CCSER1: variants seen among roughly 807,000 people sequenced by gnomAD.
CCSER1 encodes the protein serine-rich coiled-coil domain-containing protein 1.
CCSER1 carries 41 observed loss-of-function variants against 82.0 expected under a neutral mutation model. The observed-to-expected ratio is 0.50, with a 90% CI of 0.39 to 0.65. The LOEUF (loss-of-function observed/expected upper bound fraction) is 0.65, where lower values mean the gene tolerates loss of function less well. CCSER1 is among the 30% of genes least tolerant of loss of function. The pLI, the probability that CCSER1 is intolerant of heterozygous loss-of-function variation, is 0.00. For missense variants in CCSER1, 1,119 were observed against 1,064.2 expected, an observed-to-expected ratio of 1.05 and a Z score of -0.72; for synonymous variants, 414 against 383.9, an observed-to-expected ratio of 1.08 and a Z score of -0.92.
At chr4:90,152,738 T>A (rs565401936) in intron 1 of CCSER1, among the ~76,000 whole-genome samples, 4 of 152,054 alleles carry the variant, frequency 2.6e-5, no homozygotes, top group African/African-American at 4.8e-5. Flanking sequence ...TTGGATCAGA[T>A]GGTAGAATAC....
intron 7 of CCSER1, among the ~76,000 whole-genome samples, chr4:90,748,904 T>C (rs1374235403): frequency 6.6e-6 from 1 of 151,070 alleles, no homozygotes; most frequent in Non-Finnish European, 1.5e-5. Context: ...TTCTTGTAAA[T>C]TTGTTTAAGT....
chr4:90,593,091 G>T (rs189750327), intron 5 of CCSER1, among the ~76,000 whole-genome samples: 1 of 152,126 alleles, frequency 6.6e-6, no homozygotes, highest in Admixed American at 6.6e-5. Flanking sequence ...AATATAGACA[G>T]CTATTATTAA....
rs371179904 is a variant in CCSER1, at chr4:91,044,539, G to A, written c.2173-41411G>A. On this transcript the variant is annotated intron_variant, in intron 9 of 10. Transcript: ENST00000509176. ...TTCCCTTCATCCAGCCTCATTTTGT[G>A]CAGACTGCTCCACTATCCCAATACA... Among the ~76,000 whole-genome samples, 51 of 152,244 alleles carry A rather than the reference G, an allele frequency of 3.3e-4. 2 individuals are homozygous for A. In the South Asian group the frequency reaches 7.9e-3, roughly 24 times the overall value.
chr4:90,580,813 A>G (rs1781344557), intron 5 of CCSER1, among the ~76,000 whole-genome samples: 2 of 152,226 alleles, frequency 1.3e-5, no homozygotes, highest in African/African-American at 2.4e-5. Context: ...AGCCTCTGTC[A>G]GTGAAAGGAG....
At chr4:90,919,194 A>G (rs1242921314) in intron 8 of CCSER1, among the ~76,000 whole-genome samples, 4 of 151,680 alleles carry the variant, frequency 2.6e-5, no homozygotes, top group Admixed American at 2.0e-4. Flanking sequence ...ATTACTAGCT[A>G]TGCAGCAAGT....
chr4:91,202,267 GC>G (rs1350207102), intron 10 of CCSER1, among the ~76,000 whole-genome samples: 3 of 151,886 alleles, frequency 2.0e-5, no homozygotes, highest in Non-Finnish European at 2.9e-5. Flanking sequence ...ACTCTGCTGG[GC>G]TGAGGGATTG....
chr4:91,027,393 A>T (rs1581372136), intron 9 of CCSER1, among the ~76,000 whole-genome samples: 1 of 152,132 alleles, frequency 6.6e-6, no homozygotes, highest in East Asian at 1.9e-4. Flanking sequence ...TCATTAAGAA[A>T]ATTGCAATTA....
intron 8 of CCSER1, among the ~76,000 whole-genome samples, chr4:90,886,239 C>G (rs909269246): frequency 6.6e-6 from 1 of 152,186 alleles, no homozygotes; most frequent in African/African-American, 2.4e-5. Context: ...TGGTACCTCC[C>G]AATTTGCAGA....
intron 1 of CCSER1, among the ~76,000 whole-genome samples, chr4:90,269,276 A>G (rs1725814158): frequency 6.6e-6 from 1 of 152,128 alleles, no homozygotes; most frequent in Admixed American, 6.5e-5. Flanking sequence ...GATAGACCAT[A>G]TGTTAGGTCA....
chr4:90,918,543 C>T (rs1346991298), intron 8 of CCSER1, among the ~76,000 whole-genome samples: 2 of 150,830 alleles, frequency 1.3e-5, no homozygotes, highest in East Asian at 3.9e-4. Context: ...TCAGTGCTTC[C>T]TCAGCGGCGT....
intron 10 of CCSER1, among the ~76,000 whole-genome samples, chr4:91,216,383 G>C (rs559914857): frequency 4.6e-5 from 7 of 152,102 alleles, no homozygotes; most frequent in Admixed American, 2.0e-4. Context: ...GCAGTGGCAC[G>C]ATCTCGGCTC....
chr4:91,434,263 T>TA (rs1754508212), intron 10 of CCSER1, among the ~76,000 whole-genome samples: 1 of 151,802 alleles, frequency 6.6e-6, no homozygotes, highest in African/African-American at 2.4e-5. Flanking sequence ...AAAATAGGGG[T>TA]ACTTAATTTA....
At chr4:91,408,061 C>G (rs962483398) in intron 10 of CCSER1, among the ~76,000 whole-genome samples, 4 of 151,906 alleles carry the variant, frequency 2.6e-5, no homozygotes, top group African/African-American at 9.7e-5. Context: ...AGCCCTCAGG[C>G]CAAAAGTGAG....
rs139060129 is a variant in CCSER1 at position 91,395,070 on chromosome 4, G to A, written c.2218-203502G>A. 6.1e-3 allele frequency among the ~76,000 whole-genome samples: 920 copies of A among 151,942 alleles called. 7 individuals are homozygous for A. Among genetic ancestry groups the A allele is most frequent in the South Asian group, 0.034 (163 of 4,812 alleles). ...ATTAAGCCAGCATTTTCCCATTTTT[G>A]AAAGATGAAACTTTCAAAATATTAT... On this transcript the variant is annotated intron_variant, in intron 10 of 10. Transcript: ENST00000509176.
chr4:91,062,124 C>T (rs1362594841), intron 9 of CCSER1, among the ~76,000 whole-genome samples: 1 of 151,872 alleles, frequency 6.6e-6, no homozygotes, highest in Non-Finnish European at 1.5e-5. Flanking sequence ...AGGCTGCAAA[C>T]ATTGTCTCAT....
chr4:90,661,147 C>T (rs921699738), intron 6 of CCSER1, among the ~76,000 whole-genome samples: 6 of 152,174 alleles, frequency 3.9e-5, no homozygotes, highest in Non-Finnish European at 8.8e-5. Flanking sequence ...TTTTATTCCT[C>T]TATTCCTGCC....
chr4:91,566,401 A>G (rs932477813), intron 10 of CCSER1, among the ~76,000 whole-genome samples: 9 of 152,112 alleles, frequency 5.9e-5, no homozygotes, highest in African/African-American at 2.2e-4. Context: ...TGCTGGCCTC[A>G]TAGAATGAGT....
chr4:90,180,548 C>T (rs1733549571), intron 1 of CCSER1, among the ~76,000 whole-genome samples: 2 of 151,878 alleles, frequency 1.3e-5, no homozygotes, highest in Non-Finnish European at 2.9e-5. Context: ...AAGATTTTAC[C>T]ACTGCACTCC....
Position 90,309,036 on chromosome 4 carries a change from T to G in CCSER1, c.752T>G (p.Leu251Arg). 1 of 1,613,888 alleles carries G rather than the reference T, an allele frequency of 6.2e-7. No homozygotes were observed. Among genetic ancestry groups the G allele is most frequent in the African/African-American group, 1.3e-5 (1 of 75,056 alleles). The change falls in exon 2 of 11, where the codon CTT (leucine) becomes CGT (arginine). Residue 251 changes from leucine to arginine, a missense_variant. Leu to Arg is a moderately radical substitution (Grantham distance 102). Coordinates refer to ENST00000509176, the MANE Select transcript of CCSER1 (RefSeq NM_001145065.2). ...CAATCTCCTTTGCTTTCTGCTGATC[T>G]TACCACAGCTCAGACACCTTCAGAA... ...SLQSPLLSAD[L>R]TTAQTPSEFL...
Sources: allele counts gnomAD v4.1 joint callset (sites outside exome capture counted in the v4.1 genomes callset), GRCh38; gene constraint gnomAD v4.1.1; transcripts MANE v1.5; gene names NCBI Gene and HGNC (gene_info 2026-07-23, HGNC 2026-07-21).